DLG2: variants seen among roughly 807,000 people sequenced by gnomAD.
DLG2 encodes the protein discs large MAGUK scaffold protein 2.
A neutral mutation model predicts 132.5 loss-of-function variants in DLG2; 45 were observed. The ratio of observed to expected loss-of-function variants is 0.34; its 90% CI spans 0.27 to 0.44. The LOEUF (loss-of-function observed/expected upper bound fraction) is 0.44, where lower values mean the gene tolerates loss of function less well. DLG2 is among the 20% of genes least tolerant of loss of function. The pLI, the probability that DLG2 is intolerant of heterozygous loss-of-function variation, is 1.00. For synonymous variants in DLG2, 424 were observed against 419.6 expected (o/e 1.01, Z -0.13); for missense variants, 1,045 against 1,196.9 (o/e 0.87, Z 1.87).
Position 83,741,775 on chromosome 11 carries a change from G to A in DLG2, c.1825+44915C>T, listed in dbSNP as rs758311348. The stretch of plus-strand genomic sequence containing the variant: ...TGTAATCCCACCACTTTGGGAGGCC[G>A]AGGCAGGTGGATCATGAGATCAGGA... On this transcript the variant is annotated intron_variant, in intron 18 of 27. Coordinates refer to ENST00000376104, the MANE Select transcript of DLG2 (RefSeq NM_001142699.3). Among the ~76,000 whole-genome samples the A allele has an allele frequency of 3.9e-5, 6 of 152,074 alleles. No homozygotes were observed. In the South Asian group the frequency reaches 6.2e-4, roughly 16 times the overall value.
intron 18 of DLG2, among the ~76,000 whole-genome samples, chr11:83,685,065 T>C (rs947571996): frequency 3.3e-5 from 5 of 152,184 alleles, no homozygotes; most frequent in African/African-American, 7.2e-5. Flanking sequence ...CAAAACTTTA[T>C]GCATATCTCT....
chr11:85,527,181 T>TA (rs1338631346), intron 3 of DLG2, among the ~76,000 whole-genome samples: 1 of 152,006 alleles, frequency 6.6e-6, no homozygotes, highest in Non-Finnish European at 1.5e-5. Context: ...TTTTTATTTT[T>TA]TTTTTTTTTT....
At chr11:83,514,321 CT>C (rs1344073386) in intron 21 of DLG2, among the ~76,000 whole-genome samples, 1 of 152,044 alleles carries the variant, frequency 6.6e-6, no homozygotes, top group Non-Finnish European at 1.5e-5. Flanking sequence ...CATGATTTGG[CT>C]CTCTGTTTGT....
At chr11:83,602,839 C>T (rs1431555862) in intron 19 of DLG2, among the ~76,000 whole-genome samples, 1 of 152,048 alleles carries the variant, frequency 6.6e-6, no homozygotes, top group Non-Finnish European at 1.5e-5. Context: ...ATTTTTTATT[C>T]CAATTTTACT....
intron 15 of DLG2, among the ~76,000 whole-genome samples, chr11:83,886,970 G>T (rs2068082581): frequency 6.6e-6 from 1 of 151,842 alleles, no homozygotes; most frequent in Admixed American, 6.6e-5. Context: ...GAAATTTATA[G>T]CACTAAATGC....
intron 3 of DLG2, among the ~76,000 whole-genome samples, chr11:85,367,725 G>T (rs2084664918): frequency 6.6e-6 from 1 of 151,980 alleles, no homozygotes; most frequent in Non-Finnish European, 1.5e-5. Flanking sequence ...TATACTTAAA[G>T]CACTTACAAT....
intron 2 of DLG2, among the ~76,000 whole-genome samples, chr11:85,620,946 G>A (rs2081649591): frequency 6.6e-6 from 1 of 152,188 alleles, no homozygotes; most frequent in Non-Finnish European, 1.5e-5. Flanking sequence ...TACATCAGAA[G>A]AAAATGCTAG....
chr11:84,709,936 C>T (rs1464025856), intron 6 of DLG2, among the ~76,000 whole-genome samples: 1 of 151,910 alleles, frequency 6.6e-6, no homozygotes, highest in African/African-American at 2.4e-5. Flanking sequence ...CTTCTCTATA[C>T]CTAAAGACAT....
intron 4 of DLG2, among the ~76,000 whole-genome samples, chr11:85,171,396 C>A (rs1392607137): frequency 1.3e-5 from 2 of 152,106 alleles, no homozygotes; most frequent in Non-Finnish European, 2.9e-5. Context: ...TGGATCTTTG[C>A]AAACTGTAGA....
At chr11:84,261,480 C>A (rs1041697626) in intron 7 of DLG2, among the ~76,000 whole-genome samples, 1 of 152,160 alleles carries the variant, frequency 6.6e-6, no homozygotes, top group Non-Finnish European at 1.5e-5. Context: ...ACATCCTATT[C>A]CCCACATTTT....
chr11:83,475,665 G>C (rs1269280422), intron 22 of DLG2, among the ~76,000 whole-genome samples: 1 of 150,752 alleles, frequency 6.6e-6, no homozygotes, highest in Non-Finnish European at 1.5e-5. Context: ...GAGGCCATCA[G>C]ATACTCTGCC....
chr11:85,030,744 C>T (rs553711480), intron 6 of DLG2, among the ~76,000 whole-genome samples: 17 of 152,170 alleles, frequency 1.1e-4, no homozygotes, highest in Admixed American at 3.9e-4. Flanking sequence ...TACTTGGTGA[C>T]TTTATTTTCT....
At chr11:83,461,729 G>A (rs567444743) in intron 27 of DLG2, 2 of 361,380 alleles carry the variant, frequency 5.5e-6, no homozygotes, top group Non-Finnish European at 1.0e-5. Flanking sequence ...CCTTTTCATG[G>A]TAGGAGATAG....
intron 18 of DLG2, among the ~76,000 whole-genome samples, chr11:83,766,162 C>T (rs1284851549): frequency 2.7e-5 from 4 of 149,208 alleles, no homozygotes; most frequent in South Asian, 2.1e-4. Context: ...GACGTGATCT[C>T]GGCTCACTGC....
chr11:85,585,604 C>A (rs1443508805), intron 3 of DLG2, among the ~76,000 whole-genome samples: 3 of 152,106 alleles, frequency 2.0e-5, no homozygotes, highest in Non-Finnish European at 2.9e-5. Context: ...GCTAATTTTG[C>A]TGAGAGTTTT....
intron 5 of DLG2, among the ~76,000 whole-genome samples, chr11:85,129,707 T>A (rs2075504114): frequency 6.6e-6 from 1 of 152,216 alleles, no homozygotes; most frequent in Non-Finnish European, 1.5e-5. Flanking sequence ...CATTACTGTG[T>A]ATATACCCAA....
intron 6 of DLG2, among the ~76,000 whole-genome samples, chr11:84,673,518 G>A (rs369441253): frequency 6.6e-6 from 1 of 150,572 alleles, no homozygotes; most frequent in Non-Finnish European, 1.5e-5. Flanking sequence ...TAGCATATGT[G>A]TGATATTATT....
chr11:84,166,087 A>C (rs2095655481), intron 8 of DLG2, among the ~76,000 whole-genome samples: 1 of 152,178 alleles, frequency 6.6e-6, no homozygotes, highest in Non-Finnish European at 1.5e-5. Context: ...GACATTGGAA[A>C]GGCCCTAATC....
intron 8 of DLG2, among the ~76,000 whole-genome samples, chr11:84,180,556 C>CAAAA (rs1273438923): frequency 9.2e-5 from 14 of 152,036 alleles, no homozygotes; most frequent in African/African-American, 3.4e-4. Flanking sequence ...GAATAAATGA[C>CAAAA]AAAGCAAACA....
Sources: allele counts gnomAD v4.1 joint callset (sites outside exome capture counted in the v4.1 genomes callset), GRCh38; gene constraint gnomAD v4.1.1; transcripts MANE v1.5; gene names NCBI Gene and HGNC (gene_info 2026-07-23, HGNC 2026-07-21).